PARP14: variants seen among roughly 807,000 people sequenced by gnomAD.
PARP14 encodes poly(ADP-ribose) polymerase family member 14.
A neutral mutation model predicts 154.2 loss-of-function variants in PARP14; 59 were observed. The ratio of observed to expected loss-of-function variants is 0.38; its 90% CI spans 0.31 to 0.48. PARP14 has a LOEUF of 0.48. Among genes scored for constraint, PARP14 ranks in the 20% least tolerant of loss-of-function variants. The pLI is 0.98. For synonymous variants in PARP14, 720 were observed against 780.5 expected (o/e 0.92, Z 1.29); for missense variants, 1,734 against 2,131.6 (o/e 0.81, Z 3.67).
rs1938937500 is a variant in PARP14, at chr3:122,700,722, A to C, written c.2168A>C (p.Glu723Ala). 6.2e-7 allele frequency: 1 copy of C among 1,612,940 alleles called. No individual in the cohort carries two copies. Among genetic ancestry groups the C allele is most frequent in the Non-Finnish European group, 8.5e-7 (1 of 1,179,492 alleles). Residue 723 changes from glutamate to alanine, a missense_variant, in exon 6 of 17, where the codon GAA becomes GCA. Around this residue, in one of 2 missense-constraint regions of PARP14, gnomAD observed 1,646 missense variants for 1,976.0 expected, o/e 0.83. Coordinates refer to ENST00000474629, the MANE Select transcript of PARP14 (RefSeq NM_017554.3). ...KGILLTGSKT[E>A]VLKAVDIVKQ... ...ATTTTACTAACTGGCTCAAAGACCG[A>C]AGTACTGAAGGCAGTGGACATTGTC... is the stretch of plus-strand genomic sequence containing the variant.
In PARP14 at chr3:122,730,245, T is replaced by C. The variant is rs1007247426; in HGVS notation, c.*1648T>C. 1.3e-5 allele frequency: 2 copies of C among 152,248 alleles called. No homozygotes were observed. Among genetic ancestry groups the C allele is most frequent in the African/African-American group, 4.8e-5 (2 of 41,464 alleles). 9.4% of individuals were successfully genotyped at this position (152,248 alleles called of 1,614,324 possible). ...CTCTCCCACTGCAGAACATGGCCTC[T>C]AGATTAATGCCACCGATTCAGGAAC... On this transcript the variant is annotated 3_prime_UTR_variant, in exon 17 of 17. Coordinates refer to ENST00000474629, the MANE Select transcript of PARP14 (RefSeq NM_017554.3).
At chr3:122,685,529 A>G (rs1184929721) in intron 2 of PARP14, among the ~76,000 whole-genome samples, 1 of 133,864 alleles carries the variant, frequency 7.5e-6, no homozygotes. Flanking sequence ...TTTTTTTTTG[A>G]GACGGAGTCT....
At chr3:122,696,771 G>A (rs537148570) in intron 5 of PARP14, among the ~76,000 whole-genome samples, 5 of 152,218 alleles carry the variant, frequency 3.3e-5, no homozygotes, top group African/African-American at 1.2e-4. Context: ...TTTTCTGCCA[G>A]AGCTATTCAT....
chr3:122,706,382 C>T (rs986408035), intron 8 of PARP14, among the ~76,000 whole-genome samples: 1 of 152,116 alleles, frequency 6.6e-6, no homozygotes, highest in Non-Finnish European at 1.5e-5. Flanking sequence ...TGCAAAGCAG[C>T]AGTCCTGTGA....
chr3:122,685,386 A>T (rs1200262768), intron 2 of PARP14, 68 bp downstream of exon 2: 1 of 1,411,704 alleles, frequency 7.1e-7, no homozygotes, highest in South Asian at 1.2e-5. Context: ...GGGAATCACC[A>T]TGAAGAAAAT....
rs1370056820 is a variant in PARP14 at position 122,718,753 on chromosome 3, T to G, written c.4602T>G (p.Phe1534Leu). Residue 1534 changes from phenylalanine (F) to leucine (L), a missense_variant, in exon 14 of 17, where the codon TTT (phenylalanine) becomes TTG (leucine). By Grantham distance (22) the Phe-to-Leu change is conservative (BLOSUM62 0). This residue lies in a region of PARP14 where 1,646 missense variants were observed against 1,976.0 expected (regional missense o/e 0.83). Coordinates refer to ENST00000474629, the MANE Select transcript of PARP14 (RefSeq NM_017554.3). ...CCCGGGCAGATTGTATCAGTGAGTT[T>G]ATAGAATGGCAGTATAATGACAATA... ...QESRADCISE[F>L]IEWQYNDNNT... 1 of 1,613,532 alleles carries G rather than the reference T, an allele frequency of 6.2e-7. No individual in the cohort carries two copies. Among genetic ancestry groups the G allele is most frequent in the Non-Finnish European group, 8.5e-7 (1 of 1,179,676 alleles).
At position 122,718,676 on chromosome 3, in the gene PARP14, G is replaced by T. The variant is rs1476419545; in HGVS notation, c.4525G>T (p.Asp1509Tyr). Residue 1509 changes from aspartate (D) to tyrosine (Y), a missense_variant, in exon 14 of 17, where the codon GAT becomes TAT. Physicochemically the swap from Asp to Tyr is radical, Grantham distance 160. Coordinates refer to ENST00000474629, the MANE Select transcript of PARP14 (RefSeq NM_017554.3). ...TAGCAGAGATGTGATGCAGGCTAGA[G>T]ATGAAATTGAGGCGATGATCAAGAG... is the stretch of plus-strand genomic sequence containing the variant. ...GISRDVMQAR[D>Y]EIEAMIKRVR... The T allele has an allele frequency of 6.2e-7, 1 of 1,613,780 alleles. No individual in the cohort carries two copies. Among genetic ancestry groups the T allele is most frequent in the Non-Finnish European group, 8.5e-7 (1 of 1,179,856 alleles).
rs368083309 is a variant in PARP14, at chr3:122,713,424, G to T, written c.3620G>T (p.Gly1207Val). ...DKIPKAKDTQ[G>V]FYGTVSSPDS... ...TTGACTTTACTTCTTTTCTTTTCAG[G>T]TTTTTATGGGACTGTTTCTAGCCCT... The change falls in exon 10 of 17, where the codon GGT (glycine) becomes GTT (valine). Residue 1207 changes from glycine to valine, a missense_variant and splice_region_variant. Around this residue, in one of 2 missense-constraint regions of PARP14, gnomAD observed 1,646 missense variants for 1,976.0 expected, o/e 0.83. Transcript: ENST00000474629. The T allele has an allele frequency of 6.2e-7, 1 of 1,606,528 alleles. No homozygotes were observed. The highest frequency in any genetic ancestry group is 1.3e-5 in the African/African-American group (1 of 74,494).
Position 122,700,088 on chromosome 3 carries a change from G to T in PARP14, c.1534G>T (p.Gly512Ter). The change falls in exon 6 of 17, where the codon GGA becomes TGA. Residue 512 changes from glycine (G) to a stop codon, truncating the protein, a stop_gained. Transcript: ENST00000474629. LOFTEE classifies it high-confidence loss of function. ...DRVTQHLCLK[G>*]PSADVYKAKC... is the part of the protein sequence containing the mutation. ...AGTCACTCAACACTTGTGCTTGAAA[G>T]GACCTAGTGCAGATGTGTATAAAGC... The T allele has an allele frequency of 6.2e-7, 1 of 1,613,758 alleles. No individual in the cohort carries two copies. Among genetic ancestry groups the T allele is most frequent in the Non-Finnish European group, 8.5e-7 (1 of 1,179,702 alleles).
At chr3:122,686,222 T>C (rs1408777957) in intron 2 of PARP14, among the ~76,000 whole-genome samples, 1 of 152,180 alleles carries the variant, frequency 6.6e-6, no homozygotes, top group South Asian at 2.1e-4. Context: ...GGCATGATCA[T>C]GGCTTGCTGC....
At chr3:122,714,192 A>C in intron 11 of PARP14, 70 bp from the exon 12 acceptor site, 1 of 1,320,506 alleles carries the variant, frequency 7.6e-7, no homozygotes, top group Non-Finnish European at 1.0e-6. Flanking sequence ...CAAGTTATAC[A>C]TTTTGCTTTC....
chr3:122,696,608 T>G (rs1938786270), intron 5 of PARP14, among the ~76,000 whole-genome samples: 1 of 152,172 alleles, frequency 6.6e-6, no homozygotes, highest in Non-Finnish European at 1.5e-5. Flanking sequence ...CATAAAATCC[T>G]CTACCCTAGA....
chr3:122,685,296 T>C lies in PARP14; in HGVS notation c.299T>C (p.Phe100Ser), dbSNP rs748937079. ...ACCCCAGATGAAATCGATCATGTCTTTGAAGAGGAACTTCTAACAAAAGCA... is the reference window on the plus strand; with the variant it reads ...ACCCCAGATGAAATCGATCATGTCTCTGAAGAGGAACTTCTAACAAAAGCA... ...PATPDEIDHV[F>S]EEELLTKESK... The change falls in exon 2 of 17, where the codon TTT becomes TCT. Residue 100 changes from phenylalanine (F) to serine (S), a missense_variant. By Grantham distance (155) the Phe-to-Ser change is radical. Around this residue, in one of 2 missense-constraint regions of PARP14, gnomAD observed 1,646 missense variants for 1,976.0 expected, o/e 0.83. Transcript: ENST00000474629. 7.6e-5 allele frequency: 123 copies of C among 1,613,714 alleles called. No homozygotes were observed. Among genetic ancestry groups the C allele is most frequent in the Non-Finnish European group, 9.8e-5 (116 of 1,179,840 alleles).
chr3:122,687,456 A>G (rs1220749757), intron 3 of PARP14, among the ~76,000 whole-genome samples: 1 of 152,236 alleles, frequency 6.6e-6, no homozygotes, highest in Non-Finnish European at 1.5e-5. Flanking sequence ...CGATATGTCC[A>G]AGGGAGTCAC....
rs116727235 is a variant in PARP14 at position 122,695,019 on chromosome 3, G to A, written c.599-407G>A. ...TGAATGGCAGGGAATAACCGAAGGT[G>A]ATGCTTGGAAATTAGTTTCGAGTCA... On this transcript the variant is annotated intron_variant, in intron 4 of 16. Transcript: ENST00000474629. Among the ~76,000 whole-genome samples the A allele has an allele frequency of 6.1e-3, 936 of 152,354 alleles. 10 individuals are homozygous for A. The highest frequency in any genetic ancestry group is 0.021 in the African/African-American group (891 of 41,582).
chr3:122,685,096 T>C (rs1216515660), intron 1 of PARP14, 89 bp from the exon 2 acceptor site: 2 of 1,432,842 alleles, frequency 1.4e-6, no homozygotes, highest in African/African-American at 2.8e-5. Flanking sequence ...CATTGATTGA[T>C]GGTAATGCAG....
At chr3:122,683,387 C>G (rs140665297) in intron 1 of PARP14, 1 of 471,106 alleles carries the variant, frequency 2.1e-6, no homozygotes, top group East Asian at 1.5e-4. Context: ...AGCACTTCTC[C>G]GTATTTATTC....
At position 122,720,255 on chromosome 3, in the gene PARP14, T is replaced by C; in HGVS notation, c.4808T>C (p.Val1603Ala). ...LSVQRLTKSK[V>A]DIPAHWSDMK... ...GCATCCTCAAATGTCTCCTTTGCAG[T>C]TGACATCCCTGCACACTGGAGTGAT... Residue 1603 changes from valine to alanine, a missense_variant and splice_region_variant, in exon 15 of 17, where the codon GTT becomes GCT. This residue lies in a region of PARP14 where 1,646 missense variants were observed against 1,976.0 expected (regional missense o/e 0.83). Transcript: ENST00000474629. 1 of 1,612,540 alleles carries C rather than the reference T, an allele frequency of 6.2e-7. No homozygotes were observed. The highest frequency in any genetic ancestry group is 8.5e-7 in the Non-Finnish European group (1 of 1,179,192).
At position 122,708,347 on chromosome 3, in the gene PARP14, A is replaced by G. The variant is rs569094995; in HGVS notation, c.3619+79A>G. The G allele has an allele frequency of 1.7e-4, 126 of 729,220 alleles. No individual in the cohort carries two copies. The African/African-American group carries it at 2.1e-3, about 12-fold the overall frequency. 45.2% of individuals were successfully genotyped at this position (729,220 alleles called of 1,614,324 possible). A position where few individuals can be genotyped will look rare whatever the true frequency, so the allele number is the denominator to read the frequency against. On this transcript the variant is annotated intron_variant, in intron 9 of 16. Transcript: ENST00000474629. Reference sequence around the variant, plus strand: ...CATTGGCAGGTAAAAGACAGTAGTGATAATTTTTATGAAAAAAAAATCAAT... The same window carrying G: ...CATTGGCAGGTAAAAGACAGTAGTGGTAATTTTTATGAAAAAAAAATCAAT...
Sources: gnomAD v4.1 joint callset for allele counts (sites outside exome capture counted in the v4.1 genomes callset) on GRCh38, gnomAD v4.1.1 for gene constraint, gnomAD v4.1.1 regional missense constraint, MANE v1.5 for transcripts, NCBI Gene and HGNC (gene_info 2026-07-23, HGNC 2026-07-21) for gene names.